Variants in FGF14 observed in about 807,000 individuals in gnomAD.
The protein encoded by FGF14 is fibroblast growth factor 14.
FGF14 carries 5 observed loss-of-function variants against 25.5 expected under a neutral mutation model. The ratio of observed to expected loss-of-function variants is 0.20; its 90% CI spans 0.10 to 0.41. The LOEUF is 0.41. Ranked by LOEUF, FGF14 falls within the 10% of genes least tolerant of loss-of-function variation. The probability of loss-of-function intolerance (pLI) is 1.00; values close to 1 mark genes in which losing one functional copy is unlikely to be tolerated. For missense variants in FGF14, 222 were observed against 320.1 expected (o/e 0.69, Z 2.34); for synonymous variants, 138 against 118.3 (o/e 1.17, Z -1.08).
intron 1 of FGF14, among the ~76,000 whole-genome samples, chr13:102,308,927 A>C (rs2055562573): frequency 6.6e-6 from 1 of 150,538 alleles, no homozygotes. Context: ...AAAAAAAAAA[A>C]AAAAAAACAC....
rs956729696 is a variant in FGF14, at chr13:102,006,076, G to A, written c.209-130780C>T. Among the ~76,000 whole-genome samples, 26 of 152,122 alleles carry A rather than the reference G, an allele frequency of 1.7e-4. 1 individual carries two copies. Among genetic ancestry groups the A allele is most frequent in the African/African-American group, 6.3e-4 (26 of 41,432 alleles). ...ATTCAAATAAAATCAGTAAGTACTA[G>A]GTACAAGTTCTTAGTGCTACAAAGG... On this transcript the variant is annotated intron_variant, in intron 1 of 4. Transcript: ENST00000376131.
chr13:101,820,390 T>G (rs1012362243), intron 3 of FGF14, among the ~76,000 whole-genome samples: 2 of 152,300 alleles, frequency 1.3e-5, no homozygotes, highest in East Asian at 3.9e-4. Flanking sequence ...AAATAAACGT[T>G]GGCTGATAAC....
At chr13:102,270,881 T>C (rs1471169184) in intron 1 of FGF14, among the ~76,000 whole-genome samples, 1 of 152,208 alleles carries the variant, frequency 6.6e-6, no homozygotes, top group Admixed American at 6.5e-5. Context: ...GCTTTCAAAA[T>C]TTGTTGTCAG....
At chr13:102,012,100 G>A (rs2040111692) in intron 1 of FGF14, among the ~76,000 whole-genome samples, 1 of 152,094 alleles carries the variant, frequency 6.6e-6, no homozygotes, top group South Asian at 2.1e-4. Context: ...TGAGGGAGAT[G>A]TCACATTCAG....
At chr13:101,769,252 C>A (rs1159841078) in intron 3 of FGF14, among the ~76,000 whole-genome samples, 2 of 152,068 alleles carry the variant, frequency 1.3e-5, no homozygotes, top group African/African-American at 4.8e-5. Flanking sequence ...AAAACAACCA[C>A]TGCACGCCTA....
intron 1 of FGF14, among the ~76,000 whole-genome samples, chr13:102,209,697 G>A (rs1235428973): frequency 6.6e-6 from 1 of 152,114 alleles, no homozygotes; most frequent in Non-Finnish European, 1.5e-5. Flanking sequence ...TCCCTACAAA[G>A]GGGATTTTAA....
chr13:102,152,753 T>TA, intron 1 of FGF14, among the ~76,000 whole-genome samples: 1 of 152,316 alleles, frequency 6.6e-6, no homozygotes, highest in East Asian at 1.9e-4. Context: ...TTTTACATGT[T>TA]AAAAAATATA....
chr13:101,846,259 T>C (rs1049589083), intron 3 of FGF14, among the ~76,000 whole-genome samples: 2 of 151,918 alleles, frequency 1.3e-5, no homozygotes, highest in African/African-American at 4.8e-5. Flanking sequence ...CCTATGGGCA[T>C]ATCACTTTGT....
At chr13:102,357,412 G>A (rs2057450229) in intron 1 of FGF14, among the ~76,000 whole-genome samples, 1 of 152,078 alleles carries the variant, frequency 6.6e-6, no homozygotes, top group Non-Finnish European at 1.5e-5. Flanking sequence ...ACCAATAGCA[G>A]TAGCCAAGGT....
chr13:101,815,608 A>G (rs139497722), intron 3 of FGF14, among the ~76,000 whole-genome samples: 88 of 152,260 alleles, frequency 5.8e-4, no homozygotes, highest in African/African-American at 1.9e-3. Context: ...GTATCTTATC[A>G]CAGTCACCAG....
rs184968070 is a variant in FGF14, at chr13:101,870,691, G to A, written c.305-1863C>T. The stretch of plus-strand genomic sequence containing the variant: ...ATAAAATACAAGGTATTGGCCGGGC[G>A]TGGTGTTATCCCAGCACTTCGGGAA... On this transcript the variant is annotated intron_variant, in intron 2 of 4. Transcript: ENST00000376143. Among the ~76,000 whole-genome samples the A allele has an allele frequency of 2.1e-3, 314 of 152,210 alleles. 1 individual carries two copies. Among genetic ancestry groups the A allele is most frequent in the African/African-American group, 5.6e-3 (233 of 41,538 alleles).
At chr13:102,391,811 C>T (rs531341379) in intron 1 of FGF14, among the ~76,000 whole-genome samples, 3 of 152,322 alleles carry the variant, frequency 2.0e-5, no homozygotes, top group Admixed American at 6.5e-5. Flanking sequence ...TGAGTGCTTA[C>T]GTAGAAAACT....
At chr13:101,879,327 A>G (rs1372540959) in intron 1 of FGF14, among the ~76,000 whole-genome samples, 1 of 152,210 alleles carries the variant, frequency 6.6e-6, no homozygotes, top group Admixed American at 6.5e-5. Flanking sequence ...AAATAGAAAT[A>G]ATGAAAACTA....
At chr13:102,098,890 G>A (rs1030800918) in intron 1 of FGF14, among the ~76,000 whole-genome samples, 2 of 152,224 alleles carry the variant, frequency 1.3e-5, no homozygotes, top group African/African-American at 4.8e-5. Flanking sequence ...AACACCCCAA[G>A]AAGAGAAAAC....
chr13:101,943,690 AAGGCTGGGTGC>A (rs1409257804), intron 1 of FGF14, among the ~76,000 whole-genome samples: 1 of 151,912 alleles, frequency 6.6e-6, no homozygotes, highest in East Asian at 1.9e-4. Flanking sequence ...AAAATGGCAA[AAGGCTGGGTGC>A]AGTGGCTCAC....
At chr13:101,842,119 G>A (rs551332239) in intron 3 of FGF14, among the ~76,000 whole-genome samples, 1 of 151,954 alleles carries the variant, frequency 6.6e-6, no homozygotes, top group Non-Finnish European at 1.5e-5. Flanking sequence ...AATCTTTGCT[G>A]AAGTATTTTA....
chr13:102,201,066 A>G (rs1300660762), intron 1 of FGF14, among the ~76,000 whole-genome samples: 1 of 127,870 alleles, frequency 7.8e-6, no homozygotes, highest in South Asian at 2.6e-4. Context: ...GCGCCACTGC[A>G]CTCCAGCTTG....
At chr13:101,738,696 T>C (rs2036339425) in intron 3 of FGF14, among the ~76,000 whole-genome samples, 1 of 152,182 alleles carries the variant, frequency 6.6e-6, no homozygotes, top group Non-Finnish European at 1.5e-5. Flanking sequence ...CACCATGCTA[T>C]AGATTTTGTC....
intron 1 of FGF14, among the ~76,000 whole-genome samples, chr13:101,943,189 C>T (rs2035563078): frequency 6.6e-6 from 1 of 152,166 alleles, no homozygotes; most frequent in Admixed American, 6.5e-5. Context: ...AGCTGGAAAG[C>T]CTATACTCTT....
Sources: gnomAD v4.1 joint callset for allele counts (sites outside exome capture counted in the v4.1 genomes callset) on GRCh38, gnomAD v4.1.1 for gene constraint, MANE v1.5 for transcripts, NCBI Gene and HGNC (gene_info 2026-07-23, HGNC 2026-07-21) for gene names.